The following GRIK1 variants were observed in gnomAD, a reference collection of about 807,000 sequenced individuals.
The protein encoded by GRIK1 is glutamate ionotropic receptor kainate type subunit 1.
GRIK1 carries 69 observed loss-of-function variants against 105.7 expected under a neutral mutation model. The observed-to-expected ratio is 0.65, with a 90% CI of 0.54 to 0.80. The LOEUF is 0.80. Ranked by LOEUF, GRIK1 falls within the 30% of genes least tolerant of loss-of-function variation. The pLI, the probability that GRIK1 is intolerant of heterozygous loss-of-function variation, is 0.00. For missense variants in GRIK1, 1,109 were observed against 1,167.3 expected, an observed-to-expected ratio of 0.95 and a Z score of 0.73; for synonymous variants, 438 against 431.3, an observed-to-expected ratio of 1.02 and a Z score of -0.19.
intron 1 of GRIK1, among the ~76,000 whole-genome samples, chr21:29,791,248 T>A (rs1217910365): frequency 6.6e-6 from 1 of 151,976 alleles, no homozygotes; most frequent in African/African-American, 2.4e-5. Flanking sequence ...GCCAGACAAA[T>A]CTGTGATATA....
chr21:29,650,389 C>A (rs915199895), intron 6 of GRIK1, among the ~76,000 whole-genome samples: 3 of 152,178 alleles, frequency 2.0e-5, no homozygotes, highest in African/African-American at 7.2e-5. Flanking sequence ...TTAGATGGCT[C>A]CCATATAGGA....
At chr21:29,693,662 T>C (rs534998007) in intron 2 of GRIK1, among the ~76,000 whole-genome samples, 5 of 152,228 alleles carry the variant, frequency 3.3e-5, no homozygotes, top group Admixed American at 1.3e-4. Context: ...TAGTTAATCA[T>C]AGAGTGGAGG....
At chr21:29,820,861 C>A (rs2145924490) in intron 1 of GRIK1, among the ~76,000 whole-genome samples, 1 of 152,012 alleles carries the variant, frequency 6.6e-6, no homozygotes, top group South Asian at 2.1e-4. Flanking sequence ...ACAGGGAGGT[C>A]AAAAACCTTA....
At chr21:29,644,718 T>C (rs1601356899) in intron 6 of GRIK1, among the ~76,000 whole-genome samples, 1 of 152,338 alleles carries the variant, frequency 6.6e-6, no homozygotes, top group African/African-American at 2.4e-5. Flanking sequence ...CCTGCCTGAT[T>C]CTAGCACCCA....
intron 1 of GRIK1, among the ~76,000 whole-genome samples, chr21:29,743,502 C>A (rs74908413): frequency 0.024 from 3,666 of 152,042 alleles, 127 homozygotes; most frequent in East Asian, 0.1. Flanking sequence ...TCGAGACTAG[C>A]CTGGCCAACA....
chr21:29,753,029 T>C (rs560088014), intron 1 of GRIK1, among the ~76,000 whole-genome samples: 1 of 152,330 alleles, frequency 6.6e-6, no homozygotes, highest in East Asian at 1.9e-4. Flanking sequence ...CACAGCACCC[T>C]ATGCTCTTGT....
intron 1 of GRIK1, among the ~76,000 whole-genome samples, chr21:29,754,339 A>G (rs947285733): frequency 6.6e-6 from 1 of 152,194 alleles, no homozygotes; most frequent in Non-Finnish European, 1.5e-5. Flanking sequence ...CATGCCTACA[A>G]AGACTGAGGT....
At chr21:29,631,709 T>G (rs2062277209) in intron 7 of GRIK1, among the ~76,000 whole-genome samples, 1 of 152,216 alleles carries the variant, frequency 6.6e-6, no homozygotes, top group Non-Finnish European at 1.5e-5. Context: ...AAAGTACAAT[T>G]GCTCATTAAT....
chr21:29,552,903 A>C (rs2090158762), intron 16 of GRIK1, among the ~76,000 whole-genome samples: 1 of 152,228 alleles, frequency 6.6e-6, no homozygotes, highest in East Asian at 1.9e-4. Flanking sequence ...GATGTTCAAC[A>C]TAGCTAGTGC....
At chr21:29,587,242 G>T in intron 12 of GRIK1, 124 bp downstream of exon 12, 1 of 581,456 alleles carries the variant, frequency 1.7e-6, no homozygotes, top group East Asian at 2.8e-5. Flanking sequence ...AACCTTCCAA[G>T]AATAGAACAC....
chr21:29,867,972 A>ATG (rs10638009), intron 1 of GRIK1, among the ~76,000 whole-genome samples: 8,687 of 112,700 alleles, frequency 0.077, 831 homozygotes, highest in African/African-American at 0.2. Context: ...GAGAGAGAAA[A>ATG]AGAGAGAAAA....
At chr21:29,731,265 TA>T (rs2064619156) in intron 1 of GRIK1, among the ~76,000 whole-genome samples, 1 of 152,214 alleles carries the variant, frequency 6.6e-6, no homozygotes, top group Non-Finnish European at 1.5e-5. Context: ...ACTCTCATAA[TA>T]AGCAGATGTT....
intron 16 of GRIK1, among the ~76,000 whole-genome samples, chr21:29,554,447 A>C (rs2090196931): frequency 6.6e-6 from 1 of 152,218 alleles, no homozygotes; most frequent in South Asian, 2.1e-4. Context: ...TCAACTACTA[A>C]AGTTGTCCTA....
intron 1 of GRIK1, among the ~76,000 whole-genome samples, chr21:29,721,852 A>T (rs1256919801): frequency 6.6e-6 from 1 of 152,072 alleles, no homozygotes. Flanking sequence ...GCATCTCGTT[A>T]CCTCTAAATG....
chr21:29,664,903 C>T (rs2063030993), intron 4 of GRIK1, among the ~76,000 whole-genome samples: 1 of 152,180 alleles, frequency 6.6e-6, no homozygotes, highest in Non-Finnish European at 1.5e-5. Flanking sequence ...CACCTTCCTA[C>T]AATTTTGAAT....
At chr21:29,898,937 A>G (rs937383290) in intron 1 of GRIK1, among the ~76,000 whole-genome samples, 4 of 151,604 alleles carry the variant, frequency 2.6e-5, no homozygotes. Context: ...ACGTCATTGC[A>G]CTCCAGCCTG....
rs77131661 is a variant in GRIK1 at position 29,916,159 on chromosome 21, C to T, written c.118+23224G>A. Among the ~76,000 whole-genome samples the T allele has an allele frequency of 1.0e-4, 14 of 140,224 alleles. No homozygotes were observed. In the East Asian group the frequency reaches 2.3e-3, roughly 23 times the overall value. The allele number at this position is 140,224 out of a possible 152,430, so 92.0% of individuals were successfully genotyped here. On this transcript the variant is annotated intron_variant, in intron 1 of 17. Coordinates refer to ENST00000327783, the MANE Select transcript of GRIK1 (RefSeq NM_001330994.2). ...TATGAATGCAGTACTTAGAAAATTACACAGAATGCTTGAAACTGAAATTTA... is the reference window on the plus strand; with the variant it reads ...TATGAATGCAGTACTTAGAAAATTATACAGAATGCTTGAAACTGAAATTTA...
At chr21:29,722,187 T>C (rs1285799321) in intron 1 of GRIK1, among the ~76,000 whole-genome samples, 1 of 152,096 alleles carries the variant, frequency 6.6e-6, no homozygotes, top group Non-Finnish European at 1.5e-5. Flanking sequence ...TAATGGATGC[T>C]CTAATTAGAA....
At chr21:29,924,069 G>A (rs1291603451) in intron 1 of GRIK1, among the ~76,000 whole-genome samples, 1 of 152,150 alleles carries the variant, frequency 6.6e-6, no homozygotes, top group Non-Finnish European at 1.5e-5. Context: ...GCCGGGCGCG[G>A]TGGCTCATGC....
Sources: allele counts gnomAD v4.1 joint callset (sites outside exome capture counted in the v4.1 genomes callset), GRCh38; gene constraint gnomAD v4.1.1; transcripts MANE v1.5; gene names NCBI Gene and HGNC (gene_info 2026-07-23, HGNC 2026-07-21).